Variants in PRIMA1 observed in about 807,000 individuals in gnomAD.
The protein encoded by PRIMA1 is proline-rich membrane anchor 1.
In PRIMA1, 7 loss-of-function variants were observed where a neutral mutation model predicts 17.5. The ratio of observed to expected loss-of-function variants is 0.40; its 90% confidence interval spans 0.23 to 0.75. The LOEUF (loss-of-function observed/expected upper bound fraction) is 0.75. Ranked by LOEUF, PRIMA1 falls within the 30% of genes least tolerant of loss-of-function variation. The pLI is 0.37. For missense variants in PRIMA1, 200 were observed against 201.8 expected (o/e 0.99, Z 0.05); for synonymous variants, 97 against 77.9 (o/e 1.25, Z -1.29).
rs563616119 is a variant in PRIMA1 at position 93,772,507 on chromosome 14, C to G, written c.229+6669G>C. Reference sequence around the variant, plus strand: ...TCCATGGCCTCCGCCATCTGAGTCACAGGCGGGGACAGGCAGGCCATGGCT... The same window carrying G: ...TCCATGGCCTCCGCCATCTGAGTCAGAGGCGGGGACAGGCAGGCCATGGCT... On this transcript the variant is annotated intron_variant, in intron 3 of 4. Transcript: ENST00000393140. Among the ~76,000 whole-genome samples the G allele has an allele frequency of 3.3e-5, 5 of 152,376 alleles. No homozygotes were observed. The East Asian group carries it at 5.8e-4, about 18-fold the overall frequency.
intron 4 of PRIMA1, among the ~76,000 whole-genome samples, chr14:93,735,189 G>T (rs990525097): frequency 1.3e-5 from 2 of 152,028 alleles, no homozygotes; most frequent in African/African-American, 4.8e-5. Context: ...AAGGAGACTG[G>T]CAGCCATGGC....
intron 3 of PRIMA1, among the ~76,000 whole-genome samples, chr14:93,738,558 C>T (rs573302319): frequency 6.6e-6 from 1 of 152,320 alleles, no homozygotes; most frequent in South Asian, 2.1e-4. Context: ...ACACCCCAGA[C>T]TTGGTGTCCA....
chr14:93,780,121 G>A (rs544353037), intron 2 of PRIMA1, among the ~76,000 whole-genome samples: 2 of 152,172 alleles, frequency 1.3e-5, no homozygotes, highest in Non-Finnish European at 2.9e-5. Context: ...CAGGCCCCCG[G>A]CCTCTGCAAT....
chr14:93,740,606 T>G (rs185510722), intron 3 of PRIMA1, among the ~76,000 whole-genome samples: 1 of 152,296 alleles, frequency 6.6e-6, no homozygotes, highest in Admixed American at 6.5e-5. Context: ...CCACCAATGG[T>G]CCAGGACCAC....
rs569556637 is a variant in PRIMA1, at chr14:93,778,691, G to A, written c.229+485C>T. Among the ~76,000 whole-genome samples, 10 of 152,328 alleles carry A rather than the reference G, an allele frequency of 6.6e-5. No individual in the cohort carries two copies. The East Asian group carries it at 1.2e-3, about 18-fold the overall frequency. ...AATCAAATTGTTCAGAGATGAAATC[G>A]TCCAAGGCAAACAAGTCACAGAGAG... is the stretch of plus-strand genomic sequence containing the variant. On this transcript the variant is annotated intron_variant, in intron 3 of 4. Transcript: ENST00000393140.
At chr14:93,780,222 C>G (rs115954337) in intron 2 of PRIMA1, among the ~76,000 whole-genome samples, 1 of 152,222 alleles carries the variant, frequency 6.6e-6, no homozygotes, top group Non-Finnish European at 1.5e-5. Flanking sequence ...TGTCTCTGAC[C>G]TCTTTATCCA....
At chr14:93,721,597 C>A (rs2076039163) in intron 4 of PRIMA1, 51 bp from the exon 5 acceptor site, 2 of 1,114,600 alleles carry the variant, frequency 1.8e-6, no homozygotes, top group African/African-American at 3.0e-5. Flanking sequence ...GAGGCAGGGA[C>A]ACCATTAGTT....
At chr14:93,773,778 G>A (rs1024286482) in intron 3 of PRIMA1, among the ~76,000 whole-genome samples, 6 of 152,172 alleles carry the variant, frequency 3.9e-5, no homozygotes, top group Admixed American at 6.5e-5. Flanking sequence ...ATGAAGTGGG[G>A]GAGGGAAGTC....
chr14:93,764,731 C>T (rs188704506), intron 3 of PRIMA1, among the ~76,000 whole-genome samples: 3 of 152,258 alleles, frequency 2.0e-5, no homozygotes, highest in Admixed American at 2.0e-4. Flanking sequence ...GGTGTGGACT[C>T]CTAGCTAGAG....
In PRIMA1 at chr14:93,787,729, G is replaced by A. The variant is rs1885566702; in HGVS notation, c.-11C>T. 1 of 1,542,230 alleles carries A rather than the reference G, an allele frequency of 6.5e-7. No individual in the cohort carries two copies. The highest frequency in any genetic ancestry group is 2.4e-5 in the East Asian group (1 of 40,892). Reference sequence around the variant, plus strand: ...GTCCCGGAGGAGCATCTCGGCCAGCGGCGCCCGCTCCTGGGGCGAACTGTC... The same window carrying A: ...GTCCCGGAGGAGCATCTCGGCCAGCAGCGCCCGCTCCTGGGGCGAACTGTC... On this transcript the variant is annotated 5_prime_UTR_variant, in exon 2 of 5. Transcript: ENST00000393140.
rs537334010 is a variant in PRIMA1, at chr14:93,719,237, T to C, written c.*2207A>G. The C allele has an allele frequency of 4.6e-5, 7 of 152,286 alleles. No individual in the cohort carries two copies. The highest frequency in any genetic ancestry group is 1.7e-4 in the African/African-American group (7 of 41,538). 9.4% of individuals were successfully genotyped at this position (152,286 alleles called of 1,614,324 possible). Reference sequence around the variant, plus strand: ...AGAGGATACAGGCCCCAAAACGTGGTGATGGCTCAGCTGATTCCTCACCAG... The same window carrying C: ...AGAGGATACAGGCCCCAAAACGTGGCGATGGCTCAGCTGATTCCTCACCAG... On this transcript the variant is annotated 3_prime_UTR_variant, in exon 5 of 5. Transcript: ENST00000393140.
chr14:93,756,776 C>T (rs1217823037), intron 3 of PRIMA1, among the ~76,000 whole-genome samples: 1 of 152,162 alleles, frequency 6.6e-6, no homozygotes, highest in South Asian at 2.1e-4. Flanking sequence ...TCTCCTCCCC[C>T]AATCCTCCAT....
chr14:93,727,309 G>C (rs754617379), intron 4 of PRIMA1, among the ~76,000 whole-genome samples: 2 of 152,230 alleles, frequency 1.3e-5, no homozygotes, highest in African/African-American at 2.4e-5. Context: ...TCTCACAGGC[G>C]TGACTCTCTC....
intron 4 of PRIMA1, among the ~76,000 whole-genome samples, chr14:93,733,140 C>T (rs935330900): frequency 6.6e-6 from 1 of 152,186 alleles, no homozygotes; most frequent in Non-Finnish European, 1.5e-5. Context: ...GACTTGGGGG[C>T]CACTGCTCGT....
intron 2 of PRIMA1, among the ~76,000 whole-genome samples, chr14:93,781,438 A>G (rs1885373248): frequency 6.6e-6 from 1 of 152,146 alleles, no homozygotes; most frequent in African/African-American, 2.4e-5. Flanking sequence ...TCTCCAATGC[A>G]CTCTACCAAG....
At chr14:93,754,287 T>G (rs377455712) in intron 3 of PRIMA1, among the ~76,000 whole-genome samples, 1 of 151,978 alleles carries the variant, frequency 6.6e-6, no homozygotes, top group African/African-American at 2.4e-5. Context: ...AATTGTGGAG[T>G]TGGGATTCTG....
chr14:93,787,850 G>A (rs1885571368), intron 1 of PRIMA1, 101 bp from the exon 2 acceptor site: 7 of 1,320,448 alleles, frequency 5.3e-6, no homozygotes, highest in Middle Eastern at 2.6e-4. Context: ...GGCACGCCCC[G>A]CACCCAGGGG....
chr14:93,741,439 T>C (rs1006026333), intron 3 of PRIMA1, among the ~76,000 whole-genome samples: 3 of 152,188 alleles, frequency 2.0e-5, no homozygotes, highest in African/African-American at 7.2e-5. Context: ...GTGTACAGAC[T>C]GATGGTTCAT....
chr14:93,763,245 A>G (rs114248734), intron 3 of PRIMA1, among the ~76,000 whole-genome samples: 2,041 of 152,232 alleles, frequency 0.013, 40 homozygotes, highest in African/African-American at 0.047. Flanking sequence ...CTGCCTCCCG[A>G]GCCTCAGCTT....
Sources: allele counts gnomAD v4.1 joint callset (sites outside exome capture counted in the v4.1 genomes callset), GRCh38; gene constraint gnomAD v4.1.1; transcripts MANE v1.5; gene names NCBI Gene and HGNC (gene_info 2026-07-23, HGNC 2026-07-21).